Variants in FGF12 observed in about 807,000 individuals in gnomAD.
FGF12 encodes fibroblast growth factor 12B.
FGF12 carries 14 observed loss-of-function variants against 23.6 expected under a neutral mutation model. That is an observed-to-expected ratio of 0.59 (90% CI 0.39 to 0.93). The LOEUF (loss-of-function observed/expected upper bound fraction) is 0.93. Ranked by LOEUF, FGF12 falls within the 40% of genes least tolerant of loss-of-function variation. The pLI, the probability that FGF12 is intolerant of heterozygous loss-of-function variation, is 0.00. For missense variants in FGF12, 175 were observed against 217.8 expected, an observed-to-expected ratio of 0.80 and a Z score of 1.24; for synonymous variants, 62 against 77.3, an observed-to-expected ratio of 0.80 and a Z score of 1.04.
At chr3:192,297,661 G>A (rs1715118890) in intron 4 of FGF12, among the ~76,000 whole-genome samples, 1 of 152,144 alleles carries the variant, frequency 6.6e-6, no homozygotes, top group South Asian at 2.1e-4. Context: ...TCATTTGTCA[G>A]GGGAATGAGC....
chr3:192,626,810 A>G (rs1208832134), intron 2 of FGF12, among the ~76,000 whole-genome samples: 1 of 152,080 alleles, frequency 6.6e-6, no homozygotes, highest in African/African-American at 2.4e-5. Context: ...GTCTCACTGC[A>G]TTGCCCAGGC....
chr3:192,464,919 T>G (rs1399968950), intron 2 of FGF12, among the ~76,000 whole-genome samples: 1 of 152,144 alleles, frequency 6.6e-6, no homozygotes, highest in African/African-American at 2.4e-5. Context: ...AAGCATCAAG[T>G]GGAGGAGAAG....
chr3:192,447,329 C>T (rs1427074098), intron 2 of FGF12, among the ~76,000 whole-genome samples: 2 of 152,104 alleles, frequency 1.3e-5, no homozygotes, highest in South Asian at 2.1e-4. Flanking sequence ...TTCTAGAGTA[C>T]TTGAGCATTA....
intron 5 of FGF12, among the ~76,000 whole-genome samples, chr3:192,170,136 C>CTTTTTT: frequency 7.8e-6 from 1 of 127,614 alleles, no homozygotes; most frequent in Non-Finnish European, 1.6e-5. Flanking sequence ...TAGAATTTTC[C>CTTTTTT]TTTTTTTTTT....
chr3:192,611,855 T>C (rs552474894), intron 2 of FGF12, among the ~76,000 whole-genome samples: 17 of 152,138 alleles, frequency 1.1e-4, no homozygotes, highest in African/African-American at 3.9e-4. Context: ...ATAGCTATTT[T>C]AGGTGAGTAA....
intron 2 of FGF12, among the ~76,000 whole-genome samples, chr3:192,387,659 C>A (rs2108758378): frequency 1.3e-5 from 2 of 150,042 alleles, no homozygotes; most frequent in Admixed American, 1.3e-4. Flanking sequence ...TCAGCCTGGG[C>A]AATATGGCAA....
chr3:192,301,139 T>C (rs1715328433), intron 4 of FGF12, among the ~76,000 whole-genome samples: 3 of 151,652 alleles, frequency 2.0e-5, no homozygotes, highest in Admixed American at 2.0e-4. Context: ...CAAAGAAACA[T>C]GGACTTAAAA....
At chr3:192,485,875 T>A (rs1055694727) in intron 2 of FGF12, among the ~76,000 whole-genome samples, 2 of 152,218 alleles carry the variant, frequency 1.3e-5, no homozygotes, top group African/African-American at 4.8e-5. Flanking sequence ...TAATTTAGAT[T>A]GAATTGTCTC....
At chr3:192,395,272 T>C (rs1252369197) in intron 2 of FGF12, among the ~76,000 whole-genome samples, 1 of 152,142 alleles carries the variant, frequency 6.6e-6, no homozygotes, top group African/African-American at 2.4e-5. Context: ...TTTGAAGGTG[T>C]TAGGCAAAGT....
chr3:192,537,686 G>A (rs1725258485), intron 2 of FGF12, among the ~76,000 whole-genome samples: 1 of 152,108 alleles, frequency 6.6e-6, no homozygotes, highest in Non-Finnish European at 1.5e-5. Context: ...CATATATTCT[G>A]GTTATTGATT....
intron 2 of FGF12, among the ~76,000 whole-genome samples, chr3:192,601,758 C>T (rs1714124372): frequency 6.6e-6 from 1 of 152,116 alleles, no homozygotes; most frequent in Non-Finnish European, 1.5e-5. Flanking sequence ...ATTTGCATAT[C>T]ACCAGTAAAC....
chr3:192,471,633 G>A (rs1052647155), intron 2 of FGF12, among the ~76,000 whole-genome samples: 2 of 152,158 alleles, frequency 1.3e-5, no homozygotes, highest in Non-Finnish European at 2.9e-5. Context: ...CACAAACTGT[G>A]TTATTATTGT....
chr3:192,615,324 C>G (rs1714717255), intron 2 of FGF12, among the ~76,000 whole-genome samples: 1 of 151,918 alleles, frequency 6.6e-6, no homozygotes, highest in African/African-American at 2.4e-5. Context: ...TCTCCCTTCT[C>G]TATAATTATA....
At chr3:192,398,125 C>A (rs1465388174) in intron 2 of FGF12, among the ~76,000 whole-genome samples, 2 of 151,918 alleles carry the variant, frequency 1.3e-5, no homozygotes, top group Non-Finnish European at 2.9e-5. Flanking sequence ...CTTGAAGAGA[C>A]AAAATAAGCC....
chr3:192,278,961 C>T (rs1207918641), intron 4 of FGF12, among the ~76,000 whole-genome samples: 1 of 152,040 alleles, frequency 6.6e-6, no homozygotes, highest in Admixed American at 6.6e-5. Flanking sequence ...GGTGGCCTTC[C>T]TGCAAGAATG....
intron 2 of FGF12, among the ~76,000 whole-genome samples, chr3:192,674,124 C>A (rs1052795408): frequency 1.5e-4 from 22 of 149,498 alleles, no homozygotes; most frequent in African/African-American, 5.3e-4. Flanking sequence ...TTTTTGTGCC[C>A]TATCTCATGT....
intron 2 of FGF12, among the ~76,000 whole-genome samples, chr3:192,382,465 T>C (rs539565212): frequency 1.0e-3 from 156 of 152,170 alleles, no homozygotes; most frequent in Non-Finnish European, 1.8e-3. Flanking sequence ...TTATCTACCT[T>C]TGTCCTAGAA....
intron 2 of FGF12, among the ~76,000 whole-genome samples, chr3:192,578,865 A>G (rs1713020273): frequency 6.6e-6 from 1 of 152,234 alleles, no homozygotes; most frequent in Non-Finnish European, 1.5e-5. Flanking sequence ...GCAAAGGAAC[A>G]GCCTTCATGA....
intron 2 of FGF12, among the ~76,000 whole-genome samples, chr3:192,407,642 C>T (rs960971557): frequency 1.3e-5 from 2 of 151,894 alleles, no homozygotes; most frequent in Non-Finnish European, 2.9e-5. Context: ...ACTCTACAGA[C>T]GGATGGATGC....
Sources: gnomAD v4.1 joint callset for allele counts (sites outside exome capture counted in the v4.1 genomes callset) on GRCh38, gnomAD v4.1.1 for gene constraint, MANE v1.5 for transcripts, NCBI Gene and HGNC (gene_info 2026-07-23, HGNC 2026-07-21) for gene names.